The following PDE4B variants were observed in gnomAD, a reference collection of about 807,000 sequenced individuals.
The protein encoded by PDE4B is 3',5'-cyclic-AMP phosphodiesterase 4B.
Under a neutral mutation model 82.2 loss-of-function variants are expected in PDE4B, and 20 were observed. The ratio of observed to expected loss-of-function variants is 0.24; its 90% confidence interval spans 0.17 to 0.35. The LOEUF (loss-of-function observed/expected upper bound fraction) is 0.35, where lower values mean the gene tolerates loss of function less well. Among genes scored for constraint, PDE4B ranks in the 10% least tolerant of loss-of-function variants. The pLI is 1.00. For synonymous variants in PDE4B, 320 were observed against 318.9 expected (o/e 1.00, Z -0.04); for missense variants, 655 against 907.2 (o/e 0.72, Z 3.57).
At chr1:66,246,155 C>T (rs571122447) in intron 3 of PDE4B, among the ~76,000 whole-genome samples, 39 of 152,148 alleles carry the variant, frequency 2.6e-4, no homozygotes, top group Non-Finnish European at 5.1e-4. Context: ...AGTTACTAGC[C>T]TATGACTCTG....
intron 2 of PDE4B, among the ~76,000 whole-genome samples, chr1:65,914,450 A>C (rs1299327627): frequency 7.3e-6 from 1 of 137,244 alleles, no homozygotes; most frequent in Non-Finnish European, 1.6e-5. Context: ...TTGTGGCAGC[A>C]TTTACTTCTT....
At chr1:66,150,793 T>C (rs1646376976) in intron 3 of PDE4B, among the ~76,000 whole-genome samples, 1 of 152,224 alleles carries the variant, frequency 6.6e-6, no homozygotes, top group Non-Finnish European at 1.5e-5. Flanking sequence ...GAAATAATCA[T>C]GTGGCTTTTA....
chr1:66,051,855 A>C (rs997085068), intron 3 of PDE4B, among the ~76,000 whole-genome samples: 8 of 152,214 alleles, frequency 5.3e-5, no homozygotes, highest in African/African-American at 1.9e-4. Context: ...GTGATGTAGC[A>C]TCCAGATACC....
intron 3 of PDE4B, among the ~76,000 whole-genome samples, chr1:65,984,041 G>T (rs1018285933): frequency 3.9e-5 from 6 of 152,180 alleles, no homozygotes; most frequent in African/African-American, 1.4e-4. Flanking sequence ...GATGTTTACA[G>T]AAGCTCTATT....
At chr1:66,015,532 A>T (rs1569981979) in intron 3 of PDE4B, among the ~76,000 whole-genome samples, 1 of 151,956 alleles carries the variant, frequency 6.6e-6, no homozygotes, top group African/African-American at 2.4e-5. Context: ...TTGAGCTGAG[A>T]CCTGACTGGC....
chr1:66,301,556 C>A (rs1657899043), intron 7 of PDE4B, among the ~76,000 whole-genome samples: 1 of 140,078 alleles, frequency 7.1e-6, no homozygotes, highest in Admixed American at 6.8e-5. Flanking sequence ...ACCGCTAGGA[C>A]AATGCTTTTT....
At chr1:66,235,556 C>G (rs1369867510) in intron 3 of PDE4B, among the ~76,000 whole-genome samples, 1 of 151,726 alleles carries the variant, frequency 6.6e-6, no homozygotes, top group African/African-American at 2.4e-5. Flanking sequence ...TATCTTTTTT[C>G]ATTCTTTTCC....
At chr1:66,164,304 A>C (rs932058727) in intron 3 of PDE4B, among the ~76,000 whole-genome samples, 1 of 152,124 alleles carries the variant, frequency 6.6e-6, no homozygotes, top group Non-Finnish European at 1.5e-5. Context: ...TGGGAGGCCA[A>C]GGTGGGTGGA....
intron 3 of PDE4B, among the ~76,000 whole-genome samples, chr1:66,207,984 A>G (rs1268747819): frequency 6.6e-6 from 1 of 152,134 alleles, no homozygotes; most frequent in Non-Finnish European, 1.5e-5. Context: ...TGACTTCTTT[A>G]TCTTTTGTGT....
chr1:65,793,080 C>T lies in PDE4B; in HGVS notation c.-239C>T, dbSNP rs1395515221. 6.6e-6 allele frequency: 1 copy of T among 152,108 alleles called. No individual in the cohort carries two copies. The highest frequency in any genetic ancestry group is 2.0e-4 in the East Asian group (1 of 5,066). 9.4% of individuals were successfully genotyped at this position (152,108 alleles called of 1,614,324 possible). A position where few individuals can be genotyped will look rare whatever the true frequency, so the allele number is the denominator to read the frequency against. On this transcript the variant is annotated 5_prime_UTR_variant, in exon 1 of 17. Transcript: ENST00000341517. ...CGCGGGCCGGGCTGCACGCGAGCGCCCTCCGGGCAGACTTTCGTCCCCCAC... is the reference window on the plus strand; with the variant it reads ...CGCGGGCCGGGCTGCACGCGAGCGCTCTCCGGGCAGACTTTCGTCCCCCAC...
chr1:65,850,110 C>CT (rs57662381), intron 1 of PDE4B, among the ~76,000 whole-genome samples: 51,514 of 97,598 alleles, frequency 0.53, 15,538 homozygotes, highest in Non-Finnish European at 0.55. Context: ...TTGCCCTGCA[C>CT]TTTTTTTTTT....
chr1:66,330,159 C>G (rs1448801345), intron 7 of PDE4B, among the ~76,000 whole-genome samples: 2 of 152,230 alleles, frequency 1.3e-5, no homozygotes, highest in African/African-American at 4.8e-5. Context: ...GAAAGTGATA[C>G]TCTAGCCTAA....
chr1:65,970,052 A>G (rs76516194), intron 3 of PDE4B, among the ~76,000 whole-genome samples: 4,152 of 152,114 alleles, frequency 0.027, 112 homozygotes, highest in Non-Finnish European at 0.044. Context: ...TTTAATATAC[A>G]TCTTAAAGTA....
At chr1:65,820,301 A>C (rs971198552) in intron 1 of PDE4B, among the ~76,000 whole-genome samples, 1 of 152,258 alleles carries the variant, frequency 6.6e-6, no homozygotes, top group Non-Finnish European at 1.5e-5. Context: ...AACCACATTA[A>C]TCTCATTGAA....
intron 1 of PDE4B, among the ~76,000 whole-genome samples, chr1:65,859,810 A>G (rs1309852149): frequency 6.6e-6 from 1 of 152,222 alleles, no homozygotes; most frequent in Non-Finnish European, 1.5e-5. Flanking sequence ...TAATGAAGTT[A>G]AATTAATTGC....
intron 3 of PDE4B, among the ~76,000 whole-genome samples, chr1:65,954,761 G>A (rs1471215730): frequency 6.6e-6 from 1 of 152,000 alleles, no homozygotes; most frequent in Non-Finnish European, 1.5e-5. Flanking sequence ...AGAATGACCA[G>A]TCTGCAGGTT....
chr1:66,133,105 G>A (rs2101117788), intron 3 of PDE4B, among the ~76,000 whole-genome samples: 1 of 152,230 alleles, frequency 6.6e-6, no homozygotes, highest in Admixed American at 6.5e-5. Context: ...TTTGTTTAAA[G>A]TGAAAAAAAT....
At chr1:65,953,274 G>A (rs1359343827) in intron 3 of PDE4B, among the ~76,000 whole-genome samples, 1 of 152,066 alleles carries the variant, frequency 6.6e-6, no homozygotes, top group African/African-American at 2.4e-5. Context: ...TACAGAGCAA[G>A]CTGAAAATGT....
intron 3 of PDE4B, among the ~76,000 whole-genome samples, chr1:66,149,275 G>C (rs1646343321): frequency 6.6e-6 from 1 of 151,792 alleles, no homozygotes; most frequent in Non-Finnish European, 1.5e-5. Context: ...TATTTTTTTT[G>C]AGAAACATCT....
Sources: gnomAD v4.1 joint callset for allele counts (sites outside exome capture counted in the v4.1 genomes callset) on GRCh38, gnomAD v4.1.1 for gene constraint, MANE v1.5 for transcripts, NCBI Gene and HGNC (gene_info 2026-07-23, HGNC 2026-07-21) for gene names.